PCDH11X: variants seen among roughly 807,000 people sequenced by gnomAD.
PCDH11X encodes the protein protocadherin 11 X-linked.
PCDH11X carries 18 observed loss-of-function variants against 53.3 expected under a neutral mutation model. That is an observed-to-expected ratio of 0.34 (90% CI 0.23 to 0.50). The LOEUF (loss-of-function observed/expected upper bound fraction) is 0.50, where lower values mean the gene tolerates loss of function less well. PCDH11X is among the 20% of genes least tolerant of loss of function. The pLI is 0.98. For missense variants in PCDH11X, 570 were observed against 1,032.4 expected, an observed-to-expected ratio of 0.55 and a Z score of 6.14; for synonymous variants, 279 against 393.3, an observed-to-expected ratio of 0.71 and a Z score of 3.44.
At chrX:92,486,210 AT>A (rs1357543187) in intron 10 of PCDH11X, among the ~76,000 whole-genome samples, 2 of 111,328 alleles carry the variant, frequency 1.8e-5, no homozygotes, top group African/African-American at 3.3e-5. Flanking sequence ...AAAGTTGTAA[AT>A]TTTTTACAAT....
chrX:92,484,119 G>A (rs781242949), intron 10 of PCDH11X, among the ~76,000 whole-genome samples: 20 of 79,458 alleles, frequency 2.5e-4, no homozygotes, highest in African/African-American at 9.7e-4. Context: ...TATATATATA[G>A]TATATATATG....
chrX:92,106,800 A>G (rs1182117042), intron 6 of PCDH11X, among the ~76,000 whole-genome samples: 2 of 111,908 alleles, frequency 1.8e-5, no homozygotes, highest in South Asian at 3.7e-4. Context: ...AGGCCATCCA[A>G]TCATCAAATG....
intron 10 of PCDH11X, among the ~76,000 whole-genome samples, chrX:92,487,358 A>G (rs1219783839): frequency 1.8e-5 from 2 of 110,366 alleles, no homozygotes; most frequent in African/African-American, 6.6e-5. Flanking sequence ...GACTATTAAC[A>G]TTTCAGAAAG....
At chrX:92,490,361 T>A (rs1222098365) in intron 10 of PCDH11X, among the ~76,000 whole-genome samples, 1 of 111,797 alleles carries the variant, frequency 8.9e-6, no homozygotes, top group African/African-American at 3.2e-5. Flanking sequence ...TTACGTCACA[T>A]ATTCTGCGCT....
At chrX:92,272,961 T>C (rs915477126) in intron 8 of PCDH11X, among the ~76,000 whole-genome samples, 4 of 112,850 alleles carry the variant, frequency 3.5e-5, no homozygotes, top group African/African-American at 1.3e-4. Flanking sequence ...AGATTCTCCA[T>C]CTGGCTTACT....
chrX:92,106,996 T>C (rs1300127223), intron 6 of PCDH11X, among the ~76,000 whole-genome samples: 7 of 111,860 alleles, frequency 6.3e-5, no homozygotes, highest in African/African-American at 2.3e-4. Context: ...GGAGGCCTCC[T>C]CTGCATGATA....
chrX:92,392,449 G>A (rs1354622456), intron 9 of PCDH11X, among the ~76,000 whole-genome samples: 1 of 110,029 alleles, frequency 9.1e-6, no homozygotes, highest in African/African-American at 3.3e-5. Context: ...TCCCTGGCAA[G>A]GCACTTTGAT....
chrX:91,847,477 A>G (rs772979398), intron 5 of PCDH11X, among the ~76,000 whole-genome samples: 106 of 111,574 alleles, frequency 9.5e-4, no homozygotes, highest in Non-Finnish European at 1.6e-3. Flanking sequence ...AGGGACAACC[A>G]GAATATATAG....
At chrX:92,095,153 G>A (rs2759971) in intron 6 of PCDH11X, among the ~76,000 whole-genome samples, 1 of 110,607 alleles carries the variant, frequency 9.0e-6, no homozygotes, top group Non-Finnish European at 1.9e-5. Context: ...GCACAAAAAT[G>A]TCTAGGTTGT....
chrX:91,823,793 G>A (rs1936795009), intron 4 of PCDH11X, among the ~76,000 whole-genome samples: 2 of 111,476 alleles, frequency 1.8e-5, no homozygotes, highest in Admixed American at 9.6e-5. Context: ...ATTTTGGCAT[G>A]ATTTTGCAGT....
At chrX:92,521,601 T>A (rs187141176) in intron 10 of PCDH11X, among the ~76,000 whole-genome samples, 167 of 112,150 alleles carry the variant, frequency 1.5e-3, no homozygotes, top group African/African-American at 5.2e-3. Flanking sequence ...TCAAATGCAT[T>A]AGCTACTAAC....
At chrX:92,118,207 T>C (rs1169277074) in intron 6 of PCDH11X, among the ~76,000 whole-genome samples, 2 of 110,969 alleles carry the variant, frequency 1.8e-5, no homozygotes, top group Non-Finnish European at 3.8e-5. Context: ...TATGAAGCCA[T>C]ATGCCCTTCA....
At chrX:92,134,032 T>A (rs1341257657) in intron 6 of PCDH11X, among the ~76,000 whole-genome samples, 2 of 111,627 alleles carry the variant, frequency 1.8e-5, no homozygotes, top group African/African-American at 6.5e-5. Context: ...GACTTTCAGG[T>A]CATAGGTAGA....
At chrX:92,449,784 C>G (rs943642780) in intron 9 of PCDH11X, among the ~76,000 whole-genome samples, 13 of 110,509 alleles carry the variant, frequency 1.2e-4, no homozygotes, top group African/African-American at 3.9e-4. Context: ...ACTCTCAGCT[C>G]TGTCACCTAC....
intron 10 of PCDH11X, among the ~76,000 whole-genome samples, chrX:92,609,378 A>T (rs1358196747): frequency 3.6e-5 from 4 of 111,536 alleles, no homozygotes; most frequent in Admixed American, 2.9e-4. Context: ...AGCAGCATCA[A>T]TTGAAGATTC....
At chrX:92,534,232 A>G (rs1031649177) in intron 10 of PCDH11X, among the ~76,000 whole-genome samples, 2 of 111,460 alleles carry the variant, frequency 1.8e-5, no homozygotes, top group Non-Finnish European at 3.8e-5. Context: ...GCTGAAAACC[A>G]TGGCACGAGA....
chrX:92,438,332 A>G (rs1207301432), intron 9 of PCDH11X, among the ~76,000 whole-genome samples: 1 of 111,646 alleles, frequency 9.0e-6, no homozygotes, highest in Non-Finnish European at 1.9e-5. Flanking sequence ...TTTCACTCAA[A>G]GCAGTTATTA....
chrX:91,830,656 G>A (rs1234467582), intron 4 of PCDH11X, among the ~76,000 whole-genome samples: 1 of 111,042 alleles, frequency 9.0e-6, no homozygotes, highest in Non-Finnish European at 1.9e-5. Context: ...GCTTGTATTT[G>A]AGACCAAGAA....
chrX:92,522,880 C>G (rs1193183860), intron 10 of PCDH11X, among the ~76,000 whole-genome samples: 1 of 111,034 alleles, frequency 9.0e-6, no homozygotes, highest in Non-Finnish European at 1.9e-5. Flanking sequence ...TCAGTCTGAC[C>G]CTAAGAATAA....
Sources: gnomAD v4.1 joint callset for allele counts (sites outside exome capture counted in the v4.1 genomes callset) on GRCh38, gnomAD v4.1.1 for gene constraint, MANE v1.5 for transcripts, NCBI Gene and HGNC (gene_info 2026-07-23, HGNC 2026-07-21) for gene names.